Variants in TTC29 observed in about 807,000 individuals in gnomAD.
TTC29 encodes the protein tetratricopeptide repeat protein 29.
In TTC29, 49 loss-of-function variants were observed where a neutral mutation model predicts 58.1. The observed-to-expected ratio is 0.84, with a 90% CI of 0.67 to 1.07. The LOEUF is 1.07. Ranked by LOEUF, TTC29 falls within the 50% of genes least tolerant of loss-of-function variation. The probability of loss-of-function intolerance (pLI) is 0.00; values close to 1 mark genes in which losing one functional copy is unlikely to be tolerated. For missense variants in TTC29, 582 were observed against 555.6 expected, an observed-to-expected ratio of 1.05 and a Z score of -0.48; for synonymous variants, 209 against 196.8, an observed-to-expected ratio of 1.06 and a Z score of -0.52.
intron 11 of TTC29, among the ~76,000 whole-genome samples, chr4:146,746,136 G>A (rs1349793115): frequency 6.6e-6 from 1 of 152,088 alleles, no homozygotes; most frequent in Admixed American, 6.6e-5. Flanking sequence ...TAGATTCTCT[G>A]TACCAGCCCT....
intron 11 of TTC29, among the ~76,000 whole-genome samples, chr4:146,784,588 T>G (rs752615522): frequency 3.9e-5 from 6 of 152,200 alleles, no homozygotes; most frequent in Admixed American, 6.6e-5. Context: ...AGGGCTCATT[T>G]GCACCTTTGA....
chr4:146,745,372 A>G (rs1050665499), intron 11 of TTC29, among the ~76,000 whole-genome samples: 1 of 152,224 alleles, frequency 6.6e-6, no homozygotes, highest in Non-Finnish European at 1.5e-5. Flanking sequence ...CTAGTCATGG[A>G]GCTGAGGCTG....
chr4:146,772,894 C>A (rs1385017372), intron 11 of TTC29, among the ~76,000 whole-genome samples: 1 of 151,892 alleles, frequency 6.6e-6, no homozygotes, highest in Non-Finnish European at 1.5e-5. Context: ...TCTCTGATAT[C>A]TTTGAGCAGT....
intron 6 of TTC29, among the ~76,000 whole-genome samples, chr4:146,876,161 G>A (rs1312572840): frequency 6.6e-6 from 1 of 152,132 alleles, no homozygotes; most frequent in East Asian, 1.9e-4. Context: ...CTGCAAAACA[G>A]GATTACTGTG....
chr4:146,731,469 G>T (rs990841459), intron 11 of TTC29, among the ~76,000 whole-genome samples: 2 of 152,090 alleles, frequency 1.3e-5, no homozygotes, highest in Non-Finnish European at 2.9e-5. Context: ...ACATTCAATT[G>T]TAAGAGTGCA....
At chr4:146,765,739 A>G (rs1431341965) in intron 11 of TTC29, among the ~76,000 whole-genome samples, 1 of 152,156 alleles carries the variant, frequency 6.6e-6, no homozygotes, top group East Asian at 1.9e-4. Flanking sequence ...CAGCCTTCAT[A>G]AGACAGACAG....
chr4:146,917,616 T>TCTAATTAG (rs2150298339), intron 4 of TTC29, among the ~76,000 whole-genome samples: 2 of 145,188 alleles, frequency 1.4e-5, no homozygotes, highest in Non-Finnish European at 1.5e-5. Flanking sequence ...ATTTATAATA[T>TCTAATTAG]ATAATTAGAT....
At chr4:146,939,741 T>C in intron 3 of TTC29, 63 bp downstream of exon 3, 1 of 1,376,894 alleles carries the variant, frequency 7.3e-7, no homozygotes, top group Non-Finnish European at 1.0e-6. Context: ...GATACATTAT[T>C]GACATTTCTT....
chr4:146,734,402 G>T (rs1295196732), intron 11 of TTC29, among the ~76,000 whole-genome samples: 2 of 152,058 alleles, frequency 1.3e-5, no homozygotes, highest in East Asian at 3.9e-4. Context: ...TGTAACATTT[G>T]CAATGTCCTT....
intron 11 of TTC29, among the ~76,000 whole-genome samples, chr4:146,789,682 G>A (rs1488938154): frequency 6.6e-6 from 1 of 151,882 alleles, no homozygotes; most frequent in Non-Finnish European, 1.5e-5. Context: ...GACTACAATA[G>A]AAAAGTATCG....
At chr4:146,742,060 A>G (rs1450083843) in intron 11 of TTC29, among the ~76,000 whole-genome samples, 1 of 152,228 alleles carries the variant, frequency 6.6e-6, no homozygotes, top group Non-Finnish European at 1.5e-5. Flanking sequence ...TCTAAATGGC[A>G]CAGCTGGTAA....
chr4:146,871,161 G>A (rs889644998), intron 7 of TTC29, among the ~76,000 whole-genome samples: 2 of 151,954 alleles, frequency 1.3e-5, no homozygotes, highest in South Asian at 2.1e-4. Flanking sequence ...TTAGCCCAGC[G>A]ATGCAAGGTT....
chr4:146,869,217 T>C (rs1463654191), intron 7 of TTC29, among the ~76,000 whole-genome samples: 1 of 152,038 alleles, frequency 6.6e-6, no homozygotes, highest in Non-Finnish European at 1.5e-5. Context: ...GAGCTCCACA[T>C]TCCAACCATG....
intron 8 of TTC29, among the ~76,000 whole-genome samples, chr4:146,854,953 C>T (rs1252445916): frequency 6.6e-6 from 1 of 152,090 alleles, no homozygotes; most frequent in East Asian, 1.9e-4. Flanking sequence ...GTTTCCTTAT[C>T]TTCTTTCTCT....
At chr4:146,900,724 A>G (rs1434219852) in intron 6 of TTC29, among the ~76,000 whole-genome samples, 1 of 152,226 alleles carries the variant, frequency 6.6e-6, no homozygotes, top group Non-Finnish European at 1.5e-5. Flanking sequence ...ATGAGTAAAG[A>G]GTTTCAGTTT....
At chr4:146,734,248 A>G (rs1181440953) in intron 11 of TTC29, among the ~76,000 whole-genome samples, 1 of 152,162 alleles carries the variant, frequency 6.6e-6, no homozygotes, top group Non-Finnish European at 1.5e-5. Flanking sequence ...AGGTCACTCT[A>G]TTACTGACTT....
chr4:146,739,459 T>C (rs1449428636), intron 11 of TTC29, among the ~76,000 whole-genome samples: 1 of 152,220 alleles, frequency 6.6e-6, no homozygotes, highest in Non-Finnish European at 1.5e-5. Flanking sequence ...TGGTTATTTG[T>C]ATGCATGATT....
rs182838130 is a variant in TTC29, at chr4:146,846,330, G to A, written c.886-12433C>T. Among the ~76,000 whole-genome samples, 408 of 152,252 alleles carry A rather than the reference G, an allele frequency of 2.7e-3. 13 individuals carry two copies. Among genetic ancestry groups the A allele is most frequent in the African/African-American group, 7.0e-4 (29 of 41,544 alleles). ...GACAAATAAAAGTTTCCCCCATTACGAACCCAAGGGGTCATTATGCTAAGT... is the reference window on the plus strand; with the variant it reads ...GACAAATAAAAGTTTCCCCCATTACAAACCCAAGGGGTCATTATGCTAAGT... On this transcript the variant is annotated intron_variant, in intron 8 of 12. Transcript: ENST00000325106.
rs1338082616 is a variant in TTC29 at position 146,746,705 on chromosome 4, A to G, written c.1331-39154T>C. Among the ~76,000 whole-genome samples, 4 of 152,106 alleles carry G rather than the reference A, an allele frequency of 2.6e-5. No individual in the cohort carries two copies. The East Asian group carries it at 7.7e-4, about 29-fold the overall frequency. The stretch of plus-strand genomic sequence containing the variant: ...TGTGTTTAGAGAAATGTTGTAGGGA[A>G]CAGTTCCTCACTTCTCCAGTTTTTT... On this transcript the variant is annotated intron_variant, in intron 11 of 12. Transcript: ENST00000325106.
Sources: gnomAD v4.1 joint callset for allele counts (sites outside exome capture counted in the v4.1 genomes callset) on GRCh38, gnomAD v4.1.1 for gene constraint, MANE v1.5 for transcripts, NCBI Gene and HGNC (gene_info 2026-07-23, HGNC 2026-07-21) for gene names.